FOXN3: variants seen among roughly 807,000 people sequenced by gnomAD.
The protein encoded by FOXN3 is forkhead box protein N3.
FOXN3 carries 7 observed loss-of-function variants against 38.4 expected under a neutral mutation model. The observed-to-expected ratio is 0.18, with a 90% CI of 0.10 to 0.34. The LOEUF (loss-of-function observed/expected upper bound fraction) is 0.34, where lower values mean the gene tolerates loss of function less well. FOXN3 is among the 10% of genes least tolerant of loss of function. The probability of loss-of-function intolerance (pLI) is 1.00; values close to 1 mark genes in which losing one functional copy is unlikely to be tolerated. For synonymous variants in FOXN3, 230 were observed against 242.2 expected, an observed-to-expected ratio of 0.95 and a Z score of 0.47; for missense variants, 456 against 613.4, an observed-to-expected ratio of 0.74 and a Z score of 2.71.
chr14:89,225,046 T>C (rs1349806410), intron 4 of FOXN3, among the ~76,000 whole-genome samples: 2 of 150,484 alleles, frequency 1.3e-5, no homozygotes, highest in South Asian at 2.1e-4. Flanking sequence ...GAAGAATCCC[T>C]TCAACCAGGG....
intron 1 of FOXN3, among the ~76,000 whole-genome samples, chr14:89,578,996 T>C (rs1038581731): frequency 6.6e-6 from 1 of 152,072 alleles, no homozygotes; most frequent in Non-Finnish European, 1.5e-5. Flanking sequence ...TATAGTCACA[T>C]GCCAACACAC....
Position 89,497,690 on chromosome 14 carries a change from A to G in FOXN3, c.-14-85200T>C, listed in dbSNP as rs188986821. Among the ~76,000 whole-genome samples, 192 of 152,300 alleles carry G rather than the reference A, an allele frequency of 1.3e-3. 1 individual carries two copies. Among genetic ancestry groups the G allele is most frequent in the African/African-American group, 4.5e-3 (189 of 41,572 alleles). On this transcript the variant is annotated intron_variant, in intron 1 of 6. Coordinates refer to the FOXN3 transcript ENST00000345097. ...AGTGCTGGGATTACAGGCATGAGCC[A>G]CCGTGCCCGACCTGGATGTATAAAT...
intron 1 of FOXN3, among the ~76,000 whole-genome samples, chr14:89,466,386 C>T (rs1892975875): frequency 6.6e-6 from 1 of 152,166 alleles, no homozygotes; most frequent in South Asian, 2.1e-4. Context: ...CTTTTGCATC[C>T]TCTTCCAATT....
chr14:89,528,412 AAAAG>A (rs1454833376), intron 1 of FOXN3, among the ~76,000 whole-genome samples: 4 of 65,286 alleles, frequency 6.1e-5, no homozygotes, highest in African/African-American at 3.3e-4. Context: ...TTTTTTTTGA[AAAAG>A]AAAGAGTTTT....
chr14:89,457,483 T>C (rs1005213450), intron 1 of FOXN3, among the ~76,000 whole-genome samples: 3 of 152,292 alleles, frequency 2.0e-5, no homozygotes, highest in South Asian at 4.1e-4. Flanking sequence ...CGTATGACCT[T>C]GGGCAAGCTA....
chr14:89,473,248 T>C (rs1893143907), intron 1 of FOXN3, among the ~76,000 whole-genome samples: 1 of 151,868 alleles, frequency 6.6e-6, no homozygotes, highest in Non-Finnish European at 1.5e-5. Flanking sequence ...ATGGGCTTGA[T>C]CTCCTGACCT....
Position 89,548,893 on chromosome 14 carries a change from T to C in FOXN3, c.-15+70135A>G, listed in dbSNP as rs1331732156. ...CAGCACTTTTGGAGGCCAAGGCAGG[T>C]GGATCACCTAAGGTCAGGAGTTCGA... On this transcript the variant is annotated intron_variant, in intron 1 of 6. Transcript: ENST00000345097. This position sits in a 1 kb window ranked among gnomAD's most constrained non-coding sequence, Gnocchi z 4.8. Among the ~76,000 whole-genome samples the C allele has an allele frequency of 6.6e-6, 1 of 152,082 alleles. No homozygotes were observed. The highest frequency in any genetic ancestry group is 1.5e-5 in the Non-Finnish European group (1 of 68,018).
chr14:89,232,563 T>G (rs1390906257), intron 4 of FOXN3, among the ~76,000 whole-genome samples: 1 of 152,184 alleles, frequency 6.6e-6, no homozygotes, highest in Non-Finnish European at 1.5e-5. Flanking sequence ...AGCACACGTT[T>G]TCAGAGGGAA....
chr14:89,413,689 G>T (rs1459091791), intron 1 of FOXN3, among the ~76,000 whole-genome samples: 2 of 134,976 alleles, frequency 1.5e-5, no homozygotes, highest in Non-Finnish European at 3.2e-5. Flanking sequence ...AGGGGGAAGG[G>T]AACGGAAGAG....
At chr14:89,601,412 A>G (rs973134656) in intron 1 of FOXN3, among the ~76,000 whole-genome samples, 20 of 152,222 alleles carry the variant, frequency 1.3e-4, no homozygotes, top group Admixed American at 3.9e-4. Flanking sequence ...TCCCATCCAT[A>G]GTACACTGCA....
chr14:89,324,957 C>T (rs567463743), intron 3 of FOXN3, among the ~76,000 whole-genome samples: 2 of 152,272 alleles, frequency 1.3e-5, no homozygotes, highest in African/African-American at 4.8e-5. Context: ...ATCCTTAGGC[C>T]ATAGCAAGGC....
intron 1 of FOXN3, among the ~76,000 whole-genome samples, chr14:89,587,867 G>GA (rs11366681): frequency 0.062 from 4,001 of 64,618 alleles, 293 homozygotes; most frequent in East Asian, 0.23. Context: ...CTCTGTCTCA[G>GA]AAAAAAAAAA....
intron 1 of FOXN3, among the ~76,000 whole-genome samples, chr14:89,467,804 G>GTTTTTTTTTTTTTTTTTTTT (rs68132432): frequency 3.5e-5 from 2 of 56,578 alleles, no homozygotes; most frequent in Non-Finnish European, 6.2e-5. Context: ...TTCTTTCTTT[G>GTTTTTTTTTTTTTTTTTTTT]TTTTTTTTTT....
At chr14:89,190,586 G>T in intron 4 of FOXN3, 1 of 615,774 alleles carries the variant, frequency 1.6e-6, no homozygotes, top group South Asian at 2.3e-5. Flanking sequence ...CTATCCCAAA[G>T]GCGACTTTCT....
chr14:89,228,405 T>G (rs980923496), intron 4 of FOXN3, among the ~76,000 whole-genome samples: 1 of 152,232 alleles, frequency 6.6e-6, no homozygotes, highest in Non-Finnish European at 1.5e-5. Flanking sequence ...TGGTGACATC[T>G]GGGAAACTAA....
intron 4 of FOXN3, among the ~76,000 whole-genome samples, chr14:89,265,198 T>C (rs1156902562): frequency 6.6e-6 from 1 of 152,218 alleles, no homozygotes; most frequent in East Asian, 1.9e-4. Flanking sequence ...TTTCCATCTT[T>C]AGCGATTTTT....
chr14:89,351,572 T>C (rs968449636), intron 2 of FOXN3, among the ~76,000 whole-genome samples: 2 of 152,228 alleles, frequency 1.3e-5, no homozygotes, highest in Non-Finnish European at 2.9e-5. Flanking sequence ...GTTTGGTCTA[T>C]GGACAGCCTA....
intron 4 of FOXN3, among the ~76,000 whole-genome samples, chr14:89,201,872 C>T (rs1435933229): frequency 6.6e-6 from 1 of 152,198 alleles, no homozygotes; most frequent in Non-Finnish European, 1.5e-5. Context: ...ACCAACTTTC[C>T]CACAGCTGTG....
chr14:89,476,863 C>A (rs1265368390), intron 1 of FOXN3, among the ~76,000 whole-genome samples: 1 of 152,044 alleles, frequency 6.6e-6, no homozygotes, highest in African/African-American at 2.4e-5. Flanking sequence ...GAAGGATAAG[C>A]CACTGTCTTC....
Sources: allele counts gnomAD v4.1 joint callset (sites outside exome capture counted in the v4.1 genomes callset), GRCh38; gene constraint gnomAD v4.1.1; non-coding constraint Gnocchi (gnomAD v3.1); transcripts MANE v1.5; gene names NCBI Gene and HGNC (gene_info 2026-07-23, HGNC 2026-07-21).